The following TAFA2 variants were observed in gnomAD, a reference collection of about 807,000 sequenced individuals.
TAFA2 encodes TAFA chemokine like family member 2, also known as chemokine-like protein TAFA-2.
Under a neutral mutation model 18.8 loss-of-function variants are expected in TAFA2, and 7 were observed. That is an observed-to-expected ratio of 0.37 (90% CI 0.21 to 0.70). The LOEUF (loss-of-function observed/expected upper bound fraction) is 0.70, where lower values mean the gene tolerates loss of function less well. Ranked by LOEUF, TAFA2 falls within the 30% of genes least tolerant of loss-of-function variation. The pLI is 0.53. For missense variants in TAFA2, 122 were observed against 158.1 expected, an observed-to-expected ratio of 0.77 and a Z score of 1.23; for synonymous variants, 60 against 54.2, an observed-to-expected ratio of 1.11 and a Z score of -0.47.
At chr12:61,876,057 T>C (rs1592453077) in intron 1 of TAFA2, among the ~76,000 whole-genome samples, 1 of 152,190 alleles carries the variant, frequency 6.6e-6, no homozygotes, top group African/African-American at 2.4e-5. Flanking sequence ...GCACATAATA[T>C]CTAATTCTGT....
At chr12:61,793,894 T>A (rs1369875755) in intron 2 of TAFA2, among the ~76,000 whole-genome samples, 1 of 151,856 alleles carries the variant, frequency 6.6e-6, no homozygotes, top group African/African-American at 2.4e-5. Flanking sequence ...AGTGACCAAG[T>A]TGGGGTTTAC....
Position 61,756,491 on chromosome 12 carries a change from T to C in TAFA2, c.107-1467A>G, listed in dbSNP as rs145171211. ...ATACACGTTAATATTCTGCCTTCTC[T>C]ACATTTCTTTATTAGGTCACATTTT... On this transcript the variant is annotated intron_variant, in intron 2 of 4. Transcript: ENST00000416284. Among the ~76,000 whole-genome samples the C allele has an allele frequency of 1.3e-3, 203 of 152,230 alleles. 1 individual carries two copies. The highest frequency in any genetic ancestry group is 2.6e-3 in the Non-Finnish European group (176 of 67,976).
chr12:62,040,325 A>G (rs1286506223), intron 1 of TAFA2, among the ~76,000 whole-genome samples: 1 of 152,150 alleles, frequency 6.6e-6, no homozygotes, highest in East Asian at 1.9e-4. Context: ...ATCCCCCAAA[A>G]AAGAATATAT....
intron 2 of TAFA2, among the ~76,000 whole-genome samples, chr12:61,772,228 G>A (rs1422192160): frequency 6.6e-6 from 1 of 151,680 alleles, no homozygotes; most frequent in Non-Finnish European, 1.5e-5. Context: ...ATATTGAAAT[G>A]GTAATAAAAA....
intron 1 of TAFA2, among the ~76,000 whole-genome samples, chr12:62,176,999 A>G (rs887979890): frequency 6.6e-6 from 1 of 152,242 alleles, no homozygotes; most frequent in Admixed American, 6.5e-5. Context: ...GAAGGACACT[A>G]GTCCCTTACT....
chr12:61,718,195 C>G (rs372455400), intron 4 of TAFA2, among the ~76,000 whole-genome samples: 1 of 152,228 alleles, frequency 6.6e-6, no homozygotes, highest in East Asian at 1.9e-4. Context: ...GATGGACCTG[C>G]GCTGTTTCTT....
intron 2 of TAFA2, among the ~76,000 whole-genome samples, chr12:61,794,347 CAT>C (rs1267947699): frequency 6.6e-6 from 1 of 151,916 alleles, no homozygotes; most frequent in Non-Finnish European, 1.5e-5. Flanking sequence ...TTACTATTAA[CAT>C]AAAAATCATT....
intron 1 of TAFA2, chr12:61,879,265 T>A (rs770209052): frequency 7.1e-6 from 3 of 419,856 alleles, no homozygotes; most frequent in Non-Finnish European, 1.3e-5. Flanking sequence ...TCTCCACTCC[T>A]TCTCGAATCT....
chr12:61,779,015 C>G (rs1352667834), intron 2 of TAFA2, among the ~76,000 whole-genome samples: 1 of 151,830 alleles, frequency 6.6e-6, no homozygotes, highest in Non-Finnish European at 1.5e-5. Context: ...GTCAATCTTT[C>G]TGTAAATAAA....
intron 2 of TAFA2, among the ~76,000 whole-genome samples, chr12:61,777,488 G>A (rs76091891): frequency 0.022 from 3,363 of 151,846 alleles, 126 homozygotes; most frequent in African/African-American, 0.077. Context: ...AGGATAATAG[G>A]TACAACAGAT....
chr12:62,219,872 C>T (rs566839047), intron 1 of TAFA2, among the ~76,000 whole-genome samples: 6 of 152,114 alleles, frequency 3.9e-5, no homozygotes, highest in Non-Finnish European at 7.4e-5. Flanking sequence ...GCAGAAAATA[C>T]TCAACAAGCT....
intron 4 of TAFA2, among the ~76,000 whole-genome samples, chr12:61,750,105 C>T (rs537696056): frequency 8.1e-4 from 123 of 152,086 alleles, no homozygotes; most frequent in African/African-American, 2.9e-3. Context: ...TCTTTCCCCC[C>T]TGTTACTTTT....
At chr12:62,177,279 G>A (rs1258265535) in intron 1 of TAFA2, among the ~76,000 whole-genome samples, 1 of 152,208 alleles carries the variant, frequency 6.6e-6, no homozygotes, top group Non-Finnish European at 1.5e-5. Flanking sequence ...TTCATCCATG[G>A]CTCTCTCTTC....
chr12:61,904,908 T>C (rs1197671804), intron 1 of TAFA2, among the ~76,000 whole-genome samples: 1 of 152,188 alleles, frequency 6.6e-6, no homozygotes. Flanking sequence ...TTCAATAAAA[T>C]GTTACAAAAA....
In TAFA2 at chr12:62,046,063, T is replaced by C. The variant is rs576171964; in HGVS notation, c.-2+145196A>G. Among the ~76,000 whole-genome samples, 3 of 152,178 alleles carry C rather than the reference T, an allele frequency of 2.0e-5. No individual in the cohort carries two copies. The East Asian group carries it at 5.8e-4, about 29-fold the overall frequency. On this transcript the variant is annotated intron_variant, in intron 1 of 4. Transcript: ENST00000416284. ...AGCTAGAGAAATAAGAGGCCCCAGA[T>C]AGATAGGGATACAAAGGTCAAAGTA...
At chr12:61,961,870 G>C (rs1878898006) in intron 1 of TAFA2, among the ~76,000 whole-genome samples, 1 of 151,894 alleles carries the variant, frequency 6.6e-6, no homozygotes, top group Non-Finnish European at 1.5e-5. Flanking sequence ...GTCCTTTCCT[G>C]TTGCCTACTT....
At chr12:61,718,279 C>T (rs1869747834) in intron 4 of TAFA2, among the ~76,000 whole-genome samples, 5 of 152,314 alleles carry the variant, frequency 3.3e-5, no homozygotes, top group African/African-American at 7.2e-5. Context: ...TGACTGTTTG[C>T]GTTGCCATTT....
chr12:61,985,402 T>C (rs1035629115), intron 1 of TAFA2, among the ~76,000 whole-genome samples: 12 of 152,172 alleles, frequency 7.9e-5, no homozygotes, highest in Non-Finnish European at 1.2e-4. Flanking sequence ...AGGAAGACAA[T>C]AAAGACTGGT....
chr12:61,925,086 G>A (rs1877227784), intron 1 of TAFA2, among the ~76,000 whole-genome samples: 1 of 152,004 alleles, frequency 6.6e-6, no homozygotes, highest in Non-Finnish European at 1.5e-5. Flanking sequence ...TATTCAAAAA[G>A]CAACCTTTAG....
Sources: allele counts gnomAD v4.1 joint callset (sites outside exome capture counted in the v4.1 genomes callset), GRCh38; gene constraint gnomAD v4.1.1; transcripts MANE v1.5; gene names NCBI Gene and HGNC (gene_info 2026-07-23, HGNC 2026-07-21).